Variants in CLMP observed in about 807,000 individuals in gnomAD.
The protein encoded by CLMP is CXADR-like membrane protein.
Under a neutral mutation model 45.2 loss-of-function variants are expected in CLMP, and 27 were observed. The ratio of observed to expected loss-of-function variants is 0.60; its 90% CI spans 0.44 to 0.82. CLMP has a LOEUF of 0.82. CLMP is among the 40% of genes least tolerant of loss of function. The pLI is 0.00. For synonymous variants in CLMP, 167 were observed against 171.4 expected (o/e 0.97, Z 0.20); for missense variants, 403 against 448.4 (o/e 0.90, Z 0.91).
At position 123,102,191 on chromosome 11, in the gene CLMP, A is replaced by T. The variant is rs531567756; in HGVS notation, c.29-4239T>A. 2.2e-3 allele frequency among the ~76,000 whole-genome samples: 338 copies of T among 152,256 alleles called. 4 individuals carry two copies. Among genetic ancestry groups the T allele is most frequent in the African/African-American group, 7.2e-3 (301 of 41,544 alleles). ...AGAGTAAGACCCTGTCTCTAAAAAA[A>T]AAAAATAAGATATGCAACTTCCCTA... is the stretch of plus-strand genomic sequence containing the variant. On this transcript the variant is annotated intron_variant, in intron 1 of 6. Transcript: ENST00000448775.
intron 1 of CLMP, among the ~76,000 whole-genome samples, chr11:123,169,873 T>C (rs1014881966): frequency 6.6e-6 from 1 of 152,168 alleles, no homozygotes; most frequent in Non-Finnish European, 1.5e-5. Context: ...TAGGTAGATT[T>C]AAAATTTTTC....
Position 123,083,776 on chromosome 11 carries a change from C to T in CLMP, c.460G>A (p.Glu154Lys). The change falls in exon 4 of 7, where the codon GAG becomes AAG. Residue 154 changes from glutamate (E) to lysine (K), a missense_variant. Glu to Lys is a moderately conservative substitution (Grantham distance 56). Transcript: ENST00000448775. ...TEGSDLTLQC[E>K]SSSGTEPIVY... ...ATGGGCTCTGTGCCAGAGGATGACT[C>T]ACACTGCAAAGTCAGGTCACTTCCT... The T allele has an allele frequency of 6.2e-7, 1 of 1,614,046 alleles. No homozygotes were observed. The highest frequency in any genetic ancestry group is 8.5e-7 in the Non-Finnish European group (1 of 1,180,042).
At chr11:123,169,380 G>T (rs78356562) in intron 1 of CLMP, among the ~76,000 whole-genome samples, 1 of 152,112 alleles carries the variant, frequency 6.6e-6, no homozygotes, top group Non-Finnish European at 1.5e-5. Context: ...TTTTTTTAGC[G>T]CAGCTGACAT....
chr11:123,104,749 TG>T (rs1267946258), intron 1 of CLMP, among the ~76,000 whole-genome samples: 1 of 152,116 alleles, frequency 6.6e-6, no homozygotes, highest in Non-Finnish European at 1.5e-5. Context: ...TGCCATCTGA[TG>T]GGTGAGAGGA....
At chr11:123,134,230 A>G (rs113451750) in intron 1 of CLMP, among the ~76,000 whole-genome samples, 41,540 of 151,330 alleles carry the variant, frequency 0.27, 6,459 homozygotes, top group African/African-American at 0.43. Context: ...ACTGCACTCC[A>G]GCCTGGGCGA....
intron 1 of CLMP, among the ~76,000 whole-genome samples, chr11:123,160,727 C>G (rs1446254548): frequency 6.6e-6 from 1 of 152,052 alleles, no homozygotes; most frequent in African/African-American, 2.4e-5. Flanking sequence ...CCTGTAATCC[C>G]AGAACTTTGG....
At chr11:123,106,554 G>T (rs978664612) in intron 1 of CLMP, among the ~76,000 whole-genome samples, 1 of 152,194 alleles carries the variant, frequency 6.6e-6, no homozygotes, top group Admixed American at 6.5e-5. Flanking sequence ...TTGAGTAGTG[G>T]CTGTAAGACC....
At chr11:123,120,109 A>T (rs1452970482) in intron 1 of CLMP, among the ~76,000 whole-genome samples, 1 of 152,138 alleles carries the variant, frequency 6.6e-6, no homozygotes, top group Non-Finnish European at 1.5e-5. Context: ...AAATGTCAGG[A>T]AATGTTGTTG....
chr11:123,159,717 C>T (rs992199727), intron 1 of CLMP, among the ~76,000 whole-genome samples: 1 of 152,144 alleles, frequency 6.6e-6, no homozygotes, highest in African/African-American at 2.4e-5. Context: ...ATGGCTGTGG[C>T]ACCTTGAGTC....
chr11:123,150,561 A>AAGGAAGGAAAGG (rs1555084624), intron 1 of CLMP, among the ~76,000 whole-genome samples: 1 of 120,696 alleles, frequency 8.3e-6, no homozygotes, highest in African/African-American at 3.5e-5. Context: ...GGAAGGAAGG[A>AAGGAAGGAAAGG]AAGGAAGGAA....
intron 2 of CLMP, among the ~76,000 whole-genome samples, chr11:123,096,081 G>A (rs564251504): frequency 6.6e-6 from 1 of 152,270 alleles, no homozygotes; most frequent in African/African-American, 2.4e-5. Flanking sequence ...CATACTCAGA[G>A]GTCTGGCACA....
chr11:123,165,546 T>C (rs1861545274), intron 1 of CLMP, among the ~76,000 whole-genome samples: 1 of 152,206 alleles, frequency 6.6e-6, no homozygotes, highest in South Asian at 2.1e-4. Flanking sequence ...TTCTGCATCC[T>C]GGCAGGTGCA....
chr11:123,100,539 T>C (rs1026141996), intron 1 of CLMP, among the ~76,000 whole-genome samples: 8 of 151,046 alleles, frequency 5.3e-5, no homozygotes, highest in African/African-American at 1.5e-4. Context: ...TCCATTGTGA[T>C]GCAGGCATCT....
intron 1 of CLMP, among the ~76,000 whole-genome samples, chr11:123,185,447 C>T (rs1488365639): frequency 6.6e-5 from 10 of 152,036 alleles, no homozygotes; most frequent in Non-Finnish European, 1.3e-4. Flanking sequence ...CATGTGGGGA[C>T]GGTCACCTGC....
chr11:123,188,531 C>A lies in CLMP; in HGVS notation c.28+6382G>T, dbSNP rs115184587. On this transcript the variant is annotated intron_variant, in intron 1 of 6. Transcript: ENST00000448775. ...GAACTTTCCACATCCCCCTTGCTGC[C>A]GCTCTTTACAAAAACCCCCAATATT... Among the ~76,000 whole-genome samples the A allele has an allele frequency of 4.6e-5, 7 of 152,128 alleles. No homozygotes were observed. In the East Asian group the frequency reaches 1.2e-3, roughly 25 times the overall value.
chr11:123,113,024 C>T (rs1233413995), intron 1 of CLMP, among the ~76,000 whole-genome samples: 1 of 152,170 alleles, frequency 6.6e-6, no homozygotes, highest in African/African-American at 2.4e-5. Context: ...CTGCCCTCCT[C>T]GACCTCCCAA....
chr11:123,126,694 G>A (rs1345232478), intron 1 of CLMP, among the ~76,000 whole-genome samples: 3 of 152,156 alleles, frequency 2.0e-5, no homozygotes, highest in East Asian at 1.9e-4. Context: ...TCAGAAGATC[G>A]AGACCATCCT....
At position 123,107,687 on chromosome 11, in the gene CLMP, G is replaced by A. The variant is rs1860580412; in HGVS notation, c.29-9735C>T. On this transcript the variant is annotated intron_variant, in intron 1 of 6. Coordinates refer to ENST00000448775, the MANE Select transcript of CLMP (RefSeq NM_024769.5). ...ACCGTGTTGCATTTTGAAAGACAGGGAAAACCAGAAAACATACCACATGGA... is the reference window on the plus strand; with the variant it reads ...ACCGTGTTGCATTTTGAAAGACAGGAAAAACCAGAAAACATACCACATGGA... Among the ~76,000 whole-genome samples the A allele has an allele frequency of 2.6e-5, 4 of 152,170 alleles. No homozygotes were observed. In the South Asian group the frequency reaches 8.3e-4, roughly 32 times the overall value.
intron 1 of CLMP, among the ~76,000 whole-genome samples, chr11:123,122,921 A>G (rs1860837786): frequency 2.0e-5 from 3 of 152,184 alleles, no homozygotes; most frequent in Admixed American, 2.0e-4. Flanking sequence ...AACAAATTAA[A>G]GAAGTACACA....
Sources: allele counts gnomAD v4.1 joint callset (sites outside exome capture counted in the v4.1 genomes callset), GRCh38; gene constraint gnomAD v4.1.1; transcripts MANE v1.5; gene names NCBI Gene and HGNC (gene_info 2026-07-23, HGNC 2026-07-21).